The following KHDRBS2 variants were observed in gnomAD, a reference collection of about 807,000 sequenced individuals.
KHDRBS2 encodes KH RNA binding domain containing, signal transduction associated 2, also known as KH domain-containing, RNA-binding, signal transduction-associated protein 2.
In KHDRBS2, 26 loss-of-function variants were observed where a neutral mutation model predicts 44.3. That is an observed-to-expected ratio of 0.59 (90% CI 0.43 to 0.81). The LOEUF is 0.81. Among genes scored for constraint, KHDRBS2 ranks in the 40% least tolerant of loss-of-function variants. The pLI is 0.00. For synonymous variants in KHDRBS2, 194 were observed against 151.1 expected, an observed-to-expected ratio of 1.28 and a Z score of -2.08; for missense variants, 476 against 433.1, an observed-to-expected ratio of 1.10 and a Z score of -0.88.
At chr6:61,920,225 C>T (rs896644181) in intron 4 of KHDRBS2, among the ~76,000 whole-genome samples, 2 of 151,832 alleles carry the variant, frequency 1.3e-5, no homozygotes, top group Non-Finnish European at 2.9e-5. Context: ...GCCCCATTGC[C>T]TGGGTGAGAG....
chr6:62,065,120 A>C (rs895701726), intron 2 of KHDRBS2, among the ~76,000 whole-genome samples: 1 of 151,620 alleles, frequency 6.6e-6, no homozygotes, highest in Non-Finnish European at 1.5e-5. Context: ...AATCATTAAA[A>C]AGTCAGGAAA....
At chr6:62,029,019 G>A (rs565502974) in intron 3 of KHDRBS2, among the ~76,000 whole-genome samples, 1 of 152,030 alleles carries the variant, frequency 6.6e-6, no homozygotes, top group Admixed American at 6.6e-5. Context: ...ATATGTTTAT[G>A]AGCACATGTA....
chr6:61,705,848 CCCTACAATG>C (rs1303507084), intron 7 of KHDRBS2, among the ~76,000 whole-genome samples: 4 of 151,748 alleles, frequency 2.6e-5, no homozygotes, highest in Admixed American at 1.3e-4. Flanking sequence ...TACCCAATAA[CCCTACAATG>C]CCTACAATGC....
intron 7 of KHDRBS2, among the ~76,000 whole-genome samples, chr6:61,714,549 A>G (rs1284324819): frequency 6.6e-6 from 1 of 151,960 alleles, no homozygotes; most frequent in Non-Finnish European, 1.5e-5. Flanking sequence ...GTAACTACCC[A>G]AAGGAAAATA....
At chr6:62,165,282 C>T (rs1518909) in intron 2 of KHDRBS2, among the ~76,000 whole-genome samples, 90,247 of 147,914 alleles carry the variant, frequency 0.61, 27,565 homozygotes, top group Non-Finnish European at 0.62. Flanking sequence ...TATTCATTGG[C>T]GCTTAATTTT....
chr6:61,558,061 C>CT, the KHDRBS2 span, among the ~76,000 whole-genome samples: 3 of 151,786 alleles, frequency 2.0e-5, no homozygotes, highest in South Asian at 2.1e-4. Flanking sequence ...AATTTTTAAT[C>CT]TTTTTTTTAA....
intron 7 of KHDRBS2, among the ~76,000 whole-genome samples, chr6:61,729,054 A>G (rs1453730447): frequency 6.6e-6 from 1 of 152,162 alleles, no homozygotes; most frequent in South Asian, 2.1e-4. Context: ...ACTAGTCACA[A>G]TAGCAAAGAC....
the KHDRBS2 span, among the ~76,000 whole-genome samples, chr6:61,666,500 C>T: frequency 2.0e-5 from 3 of 151,330 alleles, no homozygotes; most frequent in East Asian, 5.9e-4. Flanking sequence ...GGGTCCACTT[C>T]CTAATACAAA....
rs898878958 is a variant in KHDRBS2, at chr6:61,680,669, A to C, written c.*294T>G. 4.7e-6 allele frequency: 1 copy of C among 213,352 alleles called. No homozygotes were observed. 13.2% of individuals were successfully genotyped at this position (213,352 alleles called of 1,614,324 possible). On this transcript the variant is annotated 3_prime_UTR_variant, in exon 9 of 9. Transcript: ENST00000281156. ...AAAAAAAAAAGAAAAAGAAAAAAAA[A>C]AGATTACACACAACAATGAAAAACA...
intron 3 of KHDRBS2, among the ~76,000 whole-genome samples, chr6:61,999,601 C>A (rs1777843067): frequency 6.6e-6 from 1 of 151,976 alleles, no homozygotes; most frequent in African/African-American, 2.4e-5. Flanking sequence ...TTCTACAGTG[C>A]TTAAAAGTAC....
intron 4 of KHDRBS2, among the ~76,000 whole-genome samples, chr6:61,932,576 G>A (rs1266421651): frequency 6.6e-6 from 1 of 152,194 alleles, no homozygotes; most frequent in South Asian, 2.1e-4. Flanking sequence ...TGAGGCAGGC[G>A]GATCACGAGG....
At position 62,068,516 on chromosome 6, in the gene KHDRBS2, A is replaced by G. The variant is rs148194730; in HGVS notation, c.220-20522T>C. 2.8e-4 allele frequency among the ~76,000 whole-genome samples: 42 copies of G among 151,668 alleles called. No homozygotes were observed. In the East Asian group the frequency reaches 7.2e-3, roughly 26 times the overall value. On this transcript the variant is annotated intron_variant, in intron 2 of 8. Transcript: ENST00000281156. ...TAGCACAAACTTTTAAAAAATTTTA[A>G]TAGTCTAACTTTTTTTTATTTTGTT...
chr6:61,549,983 T>C, the KHDRBS2 span, among the ~76,000 whole-genome samples: 1 of 152,166 alleles, frequency 6.6e-6, no homozygotes, highest in Non-Finnish European at 1.5e-5. Flanking sequence ...CCATTCTTTT[T>C]TAATGTAAAA....
At chr6:62,233,605 G>C (rs1021440306) in intron 1 of KHDRBS2, among the ~76,000 whole-genome samples, 9 of 151,994 alleles carry the variant, frequency 5.9e-5, no homozygotes, top group African/African-American at 2.2e-4. Flanking sequence ...AGCCTGGTAC[G>C]CATTGGTTGT....
chr6:61,803,935 G>A (rs147444586), intron 6 of KHDRBS2, among the ~76,000 whole-genome samples: 20 of 152,168 alleles, frequency 1.3e-4, no homozygotes, highest in African/African-American at 4.1e-4. Flanking sequence ...AATTCAAGAT[G>A]AGATTTGAGT....
chr6:62,129,362 G>C (rs1809718382), intron 2 of KHDRBS2, among the ~76,000 whole-genome samples: 3 of 152,050 alleles, frequency 2.0e-5, no homozygotes, highest in Admixed American at 2.0e-4. Context: ...AGAGAGGAAA[G>C]TTCCAAGGTG....
At chr6:61,947,887 C>A in intron 4 of KHDRBS2, among the ~76,000 whole-genome samples, 1 of 148,134 alleles carries the variant, frequency 6.8e-6, no homozygotes. Flanking sequence ...AAACCAGAGG[C>A]ATGACAAAAC....
chr6:61,845,707 CGTTGGTGGTGA>C (rs1794308053), intron 6 of KHDRBS2, among the ~76,000 whole-genome samples: 1 of 152,192 alleles, frequency 6.6e-6, no homozygotes, highest in Non-Finnish European at 1.5e-5. Context: ...TTGGTTAGGT[CGTTGGTGGTGA>C]ACGTGGAGAG....
chr6:61,752,671 C>CAAAA (rs56410130), intron 6 of KHDRBS2, among the ~76,000 whole-genome samples: 68 of 111,286 alleles, frequency 6.1e-4, no homozygotes, highest in East Asian at 5.8e-3. Flanking sequence ...TTGTGGTATA[C>CAAAA]AAAAAAAAAA....
Sources: gnomAD v4.1 joint callset for allele counts (sites outside exome capture counted in the v4.1 genomes callset) on GRCh38, gnomAD v4.1.1 for gene constraint, MANE v1.5 for transcripts, NCBI Gene and HGNC (gene_info 2026-07-23, HGNC 2026-07-21) for gene names.